TRAK1: variants seen among roughly 807,000 people sequenced by gnomAD.
TRAK1 encodes the protein trafficking kinesin-binding protein 1.
Under a neutral mutation model 92.1 loss-of-function variants are expected in TRAK1, and 33 were observed. The observed-to-expected ratio is 0.36, with a 90% CI of 0.27 to 0.48. The LOEUF (loss-of-function observed/expected upper bound fraction) is 0.48. TRAK1 is among the 20% of genes least tolerant of loss of function. The pLI is 0.99. For synonymous variants in TRAK1, 521 were observed against 517.3 expected, an observed-to-expected ratio of 1.01 and a Z score of -0.10; for missense variants, 1,123 against 1,257.9, an observed-to-expected ratio of 0.89 and a Z score of 1.62.
chr3:42,092,256 G>A (rs1180922184), intron 1 of TRAK1, among the ~76,000 whole-genome samples: 1 of 152,066 alleles, frequency 6.6e-6, no homozygotes, highest in African/African-American at 2.4e-5. Flanking sequence ...AGTGGTTGAT[G>A]ACCCATCTGG....
At chr3:42,210,167 G>A (rs765816269) in intron 14 of TRAK1, 182 bp downstream of exon 14, 39 of 1,590,274 alleles carry the variant, frequency 2.5e-5, no homozygotes, top group African/African-American at 2.7e-5. Context: ...CACCTTTCCC[G>A]GAGGCAGAGT....
chr3:42,037,890 C>T lies in TRAK1; in HGVS notation c.-519+23773C>T, dbSNP rs12107064. ...TAGTGTTCCATCCTTCCAGTGACCC[C>T]GGAGTGGAGCCTGGGAAATCCATTA... On this transcript the variant is annotated intron_variant, in intron 1 of 16. Transcript: ENST00000487159. 5.9e-3 allele frequency among the ~76,000 whole-genome samples: 898 copies of T among 152,238 alleles called. 5 individuals are homozygous for T. Among genetic ancestry groups the T allele is most frequent in the African/African-American group, 0.02 (829 of 41,534 alleles).
intron 1 of TRAK1, among the ~76,000 whole-genome samples, chr3:42,114,287 G>T (rs1708880053): frequency 6.6e-6 from 1 of 152,184 alleles, no homozygotes; most frequent in South Asian, 2.1e-4. Flanking sequence ...ATAAATATCT[G>T]TTTGAGTTCC....
At chr3:42,210,371 G>A (rs939904977) in intron 14 of TRAK1, 400 of 1,298,006 alleles carry the variant, frequency 3.1e-4, no homozygotes, top group Non-Finnish European at 3.8e-4. Flanking sequence ...TGGCCCATCA[G>A]GGATCTTTAA....
intron 1 of TRAK1, among the ~76,000 whole-genome samples, chr3:42,040,613 C>G (rs910602717): frequency 6.6e-6 from 1 of 151,668 alleles, no homozygotes; most frequent in African/African-American, 2.4e-5. Context: ...GTTTATTTAT[C>G]TGGGCTCTTA....
chr3:42,055,519 A>G (rs1025160428), intron 1 of TRAK1, among the ~76,000 whole-genome samples: 4 of 152,216 alleles, frequency 2.6e-5, no homozygotes, highest in Non-Finnish European at 2.9e-5. Context: ...CTGGAATGCA[A>G]TGGTGTGATC....
intron 14 of TRAK1, chr3:42,218,221 T>C (rs751154409): frequency 4.7e-5 from 46 of 985,342 alleles, no homozygotes; most frequent in Non-Finnish European, 5.5e-5. Context: ...TGGTTTTCTT[T>C]TAAGACATAG....
chr3:42,103,747 G>A (rs1395674360), intron 1 of TRAK1, among the ~76,000 whole-genome samples: 1 of 152,178 alleles, frequency 6.6e-6, no homozygotes, highest in Non-Finnish European at 1.5e-5. Context: ...AACAGCTCCA[G>A]TCTGCAGCTC....
chr3:42,118,387 C>G (rs1709440636), intron 1 of TRAK1, among the ~76,000 whole-genome samples: 1 of 152,196 alleles, frequency 6.6e-6, no homozygotes, highest in Admixed American at 6.5e-5. Flanking sequence ...CCACTGCGCC[C>G]CGCTGAGATC....
intron 2 of TRAK1, among the ~76,000 whole-genome samples, chr3:42,126,196 A>G (rs13323147): frequency 0.63 from 94,749 of 151,412 alleles, 29,900 homozygotes; most frequent in South Asian, 0.77. Context: ...TCCTATTTCT[A>G]TTTCTTACCA....
chr3:42,120,117 A>G (rs1012077567), intron 1 of TRAK1, among the ~76,000 whole-genome samples: 5 of 152,166 alleles, frequency 3.3e-5, no homozygotes, highest in Non-Finnish European at 5.9e-5. Context: ...GCCGGCCACC[A>G]TGGGGCATTA....
intron 1 of TRAK1, among the ~76,000 whole-genome samples, chr3:42,112,501 A>G (rs1460739841): frequency 6.6e-6 from 1 of 151,160 alleles, no homozygotes; most frequent in Non-Finnish European, 1.5e-5. Context: ...TTGGGAGGCA[A>G]AGGCGAGTAG....
intron 1 of TRAK1, among the ~76,000 whole-genome samples, chr3:42,071,190 CAGTGAA>C (rs1362904279): frequency 6.6e-6 from 1 of 152,220 alleles, no homozygotes; most frequent in Non-Finnish European, 1.5e-5. Context: ...GGAGTGAGTG[CAGTGAA>C]AGCCAGGACC....
chr3:42,100,793 A>G (rs868554022), intron 1 of TRAK1, among the ~76,000 whole-genome samples: 20 of 152,272 alleles, frequency 1.3e-4, no homozygotes, highest in Middle Eastern at 3.4e-3. Context: ...CAGCCTCCCC[A>G]GTAGCTGGGA....
intron 13 of TRAK1, chr3:42,203,628 T>C: frequency 3.0e-6 from 3 of 985,226 alleles, no homozygotes; most frequent in Non-Finnish European, 3.6e-6. Context: ...CCATATACGT[T>C]TGAGAAGGTG....
At chr3:42,080,129 G>C (rs1269560050) in intron 1 of TRAK1, among the ~76,000 whole-genome samples, 6 of 152,168 alleles carry the variant, frequency 3.9e-5, no homozygotes, top group Non-Finnish European at 8.8e-5. Context: ...TTAAGGTTCT[G>C]AGTCACAGAA....
intron 1 of TRAK1, among the ~76,000 whole-genome samples, chr3:42,044,102 A>G (rs1313251316): frequency 6.6e-6 from 1 of 152,188 alleles, no homozygotes; most frequent in Non-Finnish European, 1.5e-5. Flanking sequence ...ATTTTAAATC[A>G]ATTTTTCAGT....
intron 1 of TRAK1, among the ~76,000 whole-genome samples, chr3:42,026,271 G>A (rs1285978440): frequency 6.6e-6 from 1 of 152,184 alleles, no homozygotes; most frequent in East Asian, 1.9e-4. Context: ...ATGTGGGTAA[G>A]TCTCAGGGTG....
rs115092231 is a variant in TRAK1, at chr3:42,142,005, C to T, written c.286+16391C>T. Among the ~76,000 whole-genome samples, 676 of 152,190 alleles carry T rather than the reference C, an allele frequency of 4.4e-3. 5 individuals are homozygous for T. The highest frequency in any genetic ancestry group is 0.016 in the African/African-American group (652 of 41,514). On this transcript the variant is annotated intron_variant, in intron 2 of 15. Transcript: ENST00000327628. ...ACAAAAAATTAGCCGGGCATGGTGGCGCATGCCTCCCGGCTACTCAGGAGG... is the reference window on the plus strand; with the variant it reads ...ACAAAAAATTAGCCGGGCATGGTGGTGCATGCCTCCCGGCTACTCAGGAGG...
Sources: allele counts gnomAD v4.1 joint callset (sites outside exome capture counted in the v4.1 genomes callset), GRCh38; gene constraint gnomAD v4.1.1; transcripts MANE v1.5; gene names NCBI Gene and HGNC (gene_info 2026-07-23, HGNC 2026-07-21).